Variants in DNM2 observed in about 807,000 individuals in gnomAD.
The protein encoded by DNM2 is dynamin 2, also known as dynamin-2.
Under a neutral mutation model 99.0 loss-of-function variants are expected in DNM2, and 15 were observed. The ratio of observed to expected loss-of-function variants is 0.15; its 90% CI spans 0.10 to 0.23. The LOEUF (loss-of-function observed/expected upper bound fraction) is 0.23. Among genes scored for constraint, DNM2 ranks in the 10% least tolerant of loss-of-function variants. DNM2 has a pLI of 1.00. For synonymous variants in DNM2, 525 were observed against 481.2 expected, an observed-to-expected ratio of 1.09 and a Z score of -1.19; for missense variants, 742 against 1,189.4, an observed-to-expected ratio of 0.62 and a Z score of 5.53.
At chr19:10,787,196 TG>T (rs1175990585) in intron 7 of DNM2, among the ~76,000 whole-genome samples, 1 of 151,938 alleles carries the variant, frequency 6.6e-6, no homozygotes, top group African/African-American at 2.4e-5. Flanking sequence ...AGGCTGGGCA[TG>T]GTGGCTCACA....
chr19:10,823,223 G>A (rs2073036818), intron 16 of DNM2: 1 of 151,700 alleles, frequency 6.6e-6, no homozygotes. Context: ...TGACCAACAT[G>A]GAGAAACCCC....
In DNM2 at chr19:10,718,138, CCGGG is replaced by C. The variant is rs2068815156; in HGVS notation, c.-96_-93del. ...CCGGGAGCGGGCGTCTTGCCGAGGC[CCGGG>C]CGGGCGGGGAGCAACGGCTACAGAC... On this transcript the variant is annotated 5_prime_UTR_variant, in exon 1 of 21. Coordinates refer to ENST00000389253, the MANE Select transcript of DNM2 (RefSeq NM_001005361.3). 5 of 1,225,192 alleles carry C rather than the reference CCGGG, an allele frequency of 4.1e-6. No individual in the cohort carries two copies. The East Asian group carries it at 1.7e-4, about 41-fold the overall frequency. The allele number at this position is 1,225,192 out of a possible 1,614,324, so 75.9% of individuals were successfully genotyped here. A position where few individuals can be genotyped will look rare whatever the true frequency, so the allele number is the denominator to read the frequency against.
intron 1 of DNM2, among the ~76,000 whole-genome samples, chr19:10,731,314 C>A (rs144903433): frequency 1.1e-3 from 164 of 152,132 alleles, no homozygotes; most frequent in Middle Eastern, 3.4e-3. Flanking sequence ...CCTGCAGCCA[C>A]CAGGACACTG....
At chr19:10,752,337 A>T (rs1308326072) in intron 1 of DNM2, among the ~76,000 whole-genome samples, 1 of 152,110 alleles carries the variant, frequency 6.6e-6, no homozygotes, top group Non-Finnish European at 1.5e-5. Flanking sequence ...CCAGAAAGTC[A>T]CCTTCTCCTG....
chr19:10,762,145 C>T (rs527359962), intron 2 of DNM2, among the ~76,000 whole-genome samples: 1 of 152,272 alleles, frequency 6.6e-6, no homozygotes, highest in Admixed American at 6.5e-5. Context: ...CAAGTTCAAG[C>T]AATTCTCATG....
At chr19:10,792,021 G>A (rs2071770433) in intron 7 of DNM2, among the ~76,000 whole-genome samples, 1 of 152,234 alleles carries the variant, frequency 6.6e-6, no homozygotes. Flanking sequence ...CCGGCAGGCG[G>A]AGGTTGCAGT....
At chr19:10,780,924 A>C (rs2071346975) in intron 5 of DNM2, among the ~76,000 whole-genome samples, 1 of 151,316 alleles carries the variant, frequency 6.6e-6, no homozygotes, top group Non-Finnish European at 1.5e-5. Flanking sequence ...AGGCTGAGAC[A>C]TGAGAATCGC....
At chr19:10,824,871 G>GC in intron 17 of DNM2, 186 bp from the exon 18 acceptor site, 1 of 841,828 alleles carries the variant, frequency 1.2e-6, no homozygotes, top group African/African-American at 1.7e-5. Context: ...CCCAGCATCA[G>GC]CCAGGGTCAC....
At chr19:10,732,831 C>T (rs920979450) in intron 1 of DNM2, among the ~76,000 whole-genome samples, 19 of 152,068 alleles carry the variant, frequency 1.2e-4, no homozygotes, top group African/African-American at 4.6e-4. Context: ...GACTGTCTTG[C>T]ACCAGGTCCC....
intron 1 of DNM2, among the ~76,000 whole-genome samples, chr19:10,739,667 C>G (rs1568271994): frequency 6.6e-6 from 1 of 151,968 alleles, no homozygotes; most frequent in Non-Finnish European, 1.5e-5. Flanking sequence ...ACCAGCCTGC[C>G]CAACATGGTG....
intron 12 of DNM2, 160 bp downstream of exon 12, chr19:10,802,518 C>T (rs982345606): frequency 1.0e-5 from 8 of 803,536 alleles, no homozygotes; most frequent in Middle Eastern, 2.7e-4. Context: ...TCTGGAAGCT[C>T]TCCTGGGCTG....
At chr19:10,791,010 C>G (rs2071736739) in intron 7 of DNM2, among the ~76,000 whole-genome samples, 3 of 152,162 alleles carry the variant, frequency 2.0e-5, no homozygotes, top group African/African-American at 4.8e-5. Context: ...TCAAGCAAAC[C>G]GCCTGCCTGA....
rs1391873896 is a variant in DNM2, at chr19:10,812,384, G to A, written c.1671+7G>A. 1 of 1,599,138 alleles carries A rather than the reference G, an allele frequency of 6.3e-7. No individual in the cohort carries two copies. Among genetic ancestry groups the A allele is most frequent in the East Asian group, 2.3e-5 (1 of 44,228 alleles). On this transcript the variant is annotated splice_region_variant and intron_variant, in intron 15 of 20. Transcript: ENST00000389253. This position sits in a 1 kb window ranked among gnomAD's most constrained non-coding sequence, Gnocchi z 4.0. ...CTGGTACAAGGATGAGGAGGTGAGT[G>A]GCAGGCGGGAGCAGGGCTGCTGGGG...
chr19:10,722,136 T>C (rs2145659951), intron 1 of DNM2, among the ~76,000 whole-genome samples: 1 of 152,284 alleles, frequency 6.6e-6, no homozygotes, highest in Admixed American at 6.5e-5. Context: ...TGTAATCAGT[T>C]TCACCTGGCG....
chr19:10,778,645 T>C (rs2071238969), intron 5 of DNM2, among the ~76,000 whole-genome samples: 1 of 151,854 alleles, frequency 6.6e-6, no homozygotes, highest in South Asian at 2.1e-4. Flanking sequence ...GAGCAAGATC[T>C]TGCCTCTAAA....
chr19:10,775,639 G>GCGGGCCTGTTTGTGCCTC lies in DNM2; in HGVS notation c.386-62_386-45dup. 1 of 1,587,916 alleles carries GCGGGCCTGTTTGTGCCTC rather than the reference G, an allele frequency of 6.3e-7. No individual in the cohort carries two copies. Among genetic ancestry groups the GCGGGCCTGTTTGTGCCTC allele is most frequent in the Non-Finnish European group, 8.6e-7 (1 of 1,157,160 alleles). On this transcript the variant is annotated intron_variant, in intron 3 of 20. Transcript: ENST00000389253. The surrounding 1 kb of genome is among the most constrained non-coding windows in gnomAD (Gnocchi z 4.3). ...AACTTTGGTAGTCAGCTGGGTGGCT[G>GCGGGCCTGTTTGTGCCTC]CGGGCCTGTTTGTGCCTCCCCTCTC...
chr19:10,762,253 G>T lies in DNM2; in HGVS notation c.235+2442G>T, dbSNP rs148947511. Among the ~76,000 whole-genome samples, 135 of 152,234 alleles carry T rather than the reference G, an allele frequency of 8.9e-4. No homozygotes were observed. In the East Asian group the frequency reaches 0.024, roughly 27 times the overall value. Reference sequence around the variant, plus strand: ...GAGCTTCACCATGTTGGCCAGGCTGGTCTGGAACTCCTGAGCTCAAATGAT... The same window carrying T: ...GAGCTTCACCATGTTGGCCAGGCTGTTCTGGAACTCCTGAGCTCAAATGAT... On this transcript the variant is annotated intron_variant, in intron 2 of 20. Transcript: ENST00000389253.
In DNM2 at chr19:10,812,191, G is replaced by T; in HGVS notation, c.1558-73G>T. ...TCCCTGGCTTCCCACTGAGCTGTGG[G>T]CAAGGCTGCTGCGCTGGGGGATGGC... On this transcript the variant is annotated intron_variant, in intron 14 of 20. Transcript: ENST00000389253. This position sits in a 1 kb window ranked among gnomAD's most constrained non-coding sequence, Gnocchi z 4.0. The T allele has an allele frequency of 7.3e-7, 1 of 1,365,382 alleles. No individual in the cohort carries two copies. The allele number at this position is 1,365,382 out of a possible 1,614,324, so 84.6% of individuals were successfully genotyped here.
chr19:10,739,380 C>T (rs574840430), intron 1 of DNM2, among the ~76,000 whole-genome samples: 1 of 152,168 alleles, frequency 6.6e-6, no homozygotes, highest in African/African-American at 2.4e-5. Context: ...GATTTTGTAG[C>T]ACTTTCATTT....
Sources: gnomAD v4.1 joint callset for allele counts (sites outside exome capture counted in the v4.1 genomes callset) on GRCh38, gnomAD v4.1.1 for gene constraint, Gnocchi (gnomAD v3.1) non-coding constraint, MANE v1.5 for transcripts, NCBI Gene and HGNC (gene_info 2026-07-23, HGNC 2026-07-21) for gene names.